Variants in PTPRT observed in about 807,000 individuals in gnomAD.
The protein encoded by PTPRT is protein tyrosine phosphatase receptor type T, also known as receptor-type tyrosine-protein phosphatase T.
Under a neutral mutation model 176.8 loss-of-function variants are expected in PTPRT, and 56 were observed. That is an observed-to-expected ratio of 0.32 (90% CI 0.26 to 0.40). PTPRT has a LOEUF of 0.40. Among genes scored for constraint, PTPRT ranks in the 10% least tolerant of loss-of-function variants. The probability of loss-of-function intolerance (pLI) is 1.00; values close to 1 mark genes in which losing one functional copy is unlikely to be tolerated. For synonymous variants in PTPRT, 783 were observed against 739.0 expected, an observed-to-expected ratio of 1.06 and a Z score of -0.96; for missense variants, 1,540 against 1,908.2, an observed-to-expected ratio of 0.81 and a Z score of 3.60.
chr20:42,839,760 G>C (rs913098867), intron 2 of PTPRT, among the ~76,000 whole-genome samples: 37 of 152,126 alleles, frequency 2.4e-4, no homozygotes, highest in African/African-American at 8.2e-4. Context: ...TGGATCCCTT[G>C]TTTAAGATCT....
intron 1 of PTPRT, among the ~76,000 whole-genome samples, chr20:43,152,740 A>G (rs1191145413): frequency 1.3e-5 from 2 of 152,234 alleles, no homozygotes; most frequent in African/African-American, 4.8e-5. Context: ...CTCAAAAATC[A>G]TATTTGAAAT....
chr20:42,231,697 G>C (rs577031717), intron 15 of PTPRT, among the ~76,000 whole-genome samples: 1 of 152,294 alleles, frequency 6.6e-6, no homozygotes, highest in South Asian at 2.1e-4. Context: ...CTGGCTCACT[G>C]CTTGGTTTTT....
intron 7 of PTPRT, among the ~76,000 whole-genome samples, chr20:42,474,975 G>A (rs2071264822): frequency 6.6e-6 from 1 of 152,164 alleles, no homozygotes; most frequent in African/African-American, 2.4e-5. Context: ...AGGGAGAAGA[G>A]GAACACTTAA....
rs543148042 is a variant in PTPRT, at chr20:42,555,894, G to A, written c.1154-83332C>T. On this transcript the variant is annotated intron_variant, in intron 7 of 30. Coordinates refer to ENST00000373187, the MANE Select transcript of PTPRT (RefSeq NM_007050.6). ...CAGCAAGCCCACACCTAGGAGGGAC[G>A]TGAGCAAGGAAAAAACAAGTTTGTC... Among the ~76,000 whole-genome samples, 29 of 152,274 alleles carry A rather than the reference G, an allele frequency of 1.9e-4. No individual in the cohort carries two copies. In the South Asian group the frequency reaches 4.6e-3, roughly 24 times the overall value.
chr20:43,185,958 T>A (rs1341659358), intron 1 of PTPRT, among the ~76,000 whole-genome samples: 1 of 151,126 alleles, frequency 6.6e-6, no homozygotes, highest in African/African-American at 2.4e-5. Context: ...CTAAAAATCA[T>A]CACCAAACCC....
At chr20:43,106,612 G>A (rs886277721) in intron 1 of PTPRT, among the ~76,000 whole-genome samples, 8 of 142,812 alleles carry the variant, frequency 5.6e-5, no homozygotes, top group African/African-American at 1.3e-4. Context: ...AGCCGGGATC[G>A]CGCCATTGCA....
chr20:42,670,719 A>C (rs1328653672), intron 7 of PTPRT, among the ~76,000 whole-genome samples: 1 of 152,194 alleles, frequency 6.6e-6, no homozygotes, highest in East Asian at 1.9e-4. Context: ...GTTCCCAGGC[A>C]AGGGGCCTTT....
intron 13 of PTPRT, among the ~76,000 whole-genome samples, chr20:42,269,328 C>T (rs950723677): frequency 3.3e-5 from 5 of 152,190 alleles, no homozygotes; most frequent in Non-Finnish European, 5.9e-5. Flanking sequence ...GATGCCCAGA[C>T]TCATGTCATC....
chr20:42,470,445 C>T (rs907051707), intron 8 of PTPRT, among the ~76,000 whole-genome samples: 1 of 152,152 alleles, frequency 6.6e-6, no homozygotes, highest in Non-Finnish European at 1.5e-5. Context: ...ACTCCCCTCC[C>T]AGTCTCCCCT....
At chr20:42,136,874 T>C (rs893064171) in intron 18 of PTPRT, among the ~76,000 whole-genome samples, 14 of 152,264 alleles carry the variant, frequency 9.2e-5, no homozygotes, top group African/African-American at 3.4e-4. Flanking sequence ...AAGTTGCCAT[T>C]GTAGCAAGTT....
intron 15 of PTPRT, among the ~76,000 whole-genome samples, chr20:42,218,095 G>A (rs1023504458): frequency 6.6e-6 from 1 of 152,132 alleles, no homozygotes; most frequent in South Asian, 2.1e-4. Context: ...GCAAATGATC[G>A]GTTAAAGCCT....
At chr20:42,418,757 T>C (rs1486940581) in intron 9 of PTPRT, among the ~76,000 whole-genome samples, 1 of 152,078 alleles carries the variant, frequency 6.6e-6, no homozygotes, top group African/African-American at 2.4e-5. Flanking sequence ...CCGGGTCATG[T>C]TATGGGAAAT....
intron 13 of PTPRT, among the ~76,000 whole-genome samples, chr20:42,256,565 A>G (rs1419284761): frequency 8.6e-5 from 13 of 151,824 alleles, no homozygotes; most frequent in Non-Finnish European, 4.4e-5. Context: ...AAAAAAAAAT[A>G]GACTAGATGA....
chr20:42,947,077 G>A (rs187707521), intron 1 of PTPRT, among the ~76,000 whole-genome samples: 7 of 152,262 alleles, frequency 4.6e-5, no homozygotes, highest in South Asian at 2.1e-4. Flanking sequence ...ATTTTGAGCC[G>A]TGCTTCCAAA....
intron 9 of PTPRT, among the ~76,000 whole-genome samples, chr20:42,386,783 C>T (rs1022163147): frequency 6.6e-6 from 1 of 152,100 alleles, no homozygotes. Context: ...TTGCTTGAAC[C>T]CAGGAGGCGG....
At chr20:42,652,533 T>G (rs2075050955) in intron 7 of PTPRT, among the ~76,000 whole-genome samples, 1 of 152,166 alleles carries the variant, frequency 6.6e-6, no homozygotes, top group Non-Finnish European at 1.5e-5. Context: ...TGTTTCCCTC[T>G]CAGAGCATCC....
intron 7 of PTPRT, among the ~76,000 whole-genome samples, chr20:42,634,032 TTATATATATTA>T (rs1337653922): frequency 7.3e-5 from 2 of 27,490 alleles, no homozygotes; most frequent in Non-Finnish European, 1.2e-4. Context: ...AATATATATA[TTATATATATTA>T]TATATATATT....
intron 6 of PTPRT, among the ~76,000 whole-genome samples, chr20:42,750,299 T>C (rs1345295678): frequency 6.6e-6 from 1 of 152,156 alleles, no homozygotes; most frequent in Non-Finnish European, 1.5e-5. Flanking sequence ...TACTAGGATG[T>C]ATCTGTTTAT....
downstream of PTPRT, among the ~76,000 whole-genome samples, chr20:42,069,274 G>A (rs1982218363): frequency 6.6e-6 from 1 of 152,216 alleles, no homozygotes. Context: ...TTGTGTCAGC[G>A]AAGGATGTTG....
Sources: allele counts gnomAD v4.1 joint callset (sites outside exome capture counted in the v4.1 genomes callset), GRCh38; gene constraint gnomAD v4.1.1; transcripts MANE v1.5; gene names NCBI Gene and HGNC (gene_info 2026-07-23, HGNC 2026-07-21).